The following ERICH3 variants were observed in gnomAD, a reference collection of about 807,000 sequenced individuals.
ERICH3 encodes glutamate rich 3.
A neutral mutation model predicts 131.1 loss-of-function variants in ERICH3; 126 were observed. The observed-to-expected ratio is 0.96, with a 90% confidence interval of 0.83 to 1.11. The LOEUF is 1.11. Among genes scored for constraint, ERICH3 ranks in the 50% most tolerant of loss-of-function variants. The probability of loss-of-function intolerance (pLI) is 0.00; values close to 1 mark genes in which losing one functional copy is unlikely to be tolerated. For missense variants in ERICH3, 2,050 were observed against 1,810.7 expected, an observed-to-expected ratio of 1.13 and a Z score of -2.40; for synonymous variants, 695 against 644.6, an observed-to-expected ratio of 1.08 and a Z score of -1.18.
Position 74,572,691 on chromosome 1 carries a change from G to T in ERICH3, c.3019C>A (p.Gln1007Lys), listed in dbSNP as rs754203621. The T allele has an allele frequency of 6.2e-7, 1 of 1,613,560 alleles. No homozygotes were observed. The highest frequency in any genetic ancestry group is 8.5e-7 in the Non-Finnish European group (1 of 1,179,932). Residue 1007 changes from glutamine (Q) to lysine (K), a missense_variant, in exon 14 of 15, where the codon CAG (glutamine) becomes AAG (lysine). Physicochemically the swap from Gln to Lys is moderately conservative, Grantham distance 53. Transcript: ENST00000326665. ...FTGEAEASRM[Q>K]VSEGSPEEGS... ...TCCTCAGGGCTGCCCTCCGAAACCT[G>T]CATCCGGCTTGCCTCTGCCTCTCCT...
At chr1:74,642,822 T>C (rs1186691904) in intron 4 of ERICH3, among the ~76,000 whole-genome samples, 1 of 152,156 alleles carries the variant, frequency 6.6e-6, no homozygotes, top group African/African-American at 2.4e-5. Flanking sequence ...TCATTAAAAT[T>C]TATTTTGTAC....
intron 8 of ERICH3, among the ~76,000 whole-genome samples, chr1:74,616,042 C>T (rs1157977314): frequency 6.6e-6 from 1 of 152,046 alleles, no homozygotes; most frequent in East Asian, 1.9e-4. Flanking sequence ...TGTTCTGTCG[C>T]CCAGGCTGGA....
At chr1:74,578,882 C>T (rs535260370) in intron 12 of ERICH3, among the ~76,000 whole-genome samples, 24 of 152,178 alleles carry the variant, frequency 1.6e-4, no homozygotes, top group African/African-American at 5.5e-4. Flanking sequence ...TGCCTTAAAT[C>T]GGTTTTGGAG....
At chr1:74,661,930 C>T (rs1412011666) in intron 1 of ERICH3, among the ~76,000 whole-genome samples, 1 of 152,068 alleles carries the variant, frequency 6.6e-6, no homozygotes, top group East Asian at 1.9e-4. Context: ...TGATTTTTTT[C>T]TCTTTGGAAT....
intron 12 of ERICH3, chr1:74,577,171 A>T (rs985977110): frequency 1.7e-5 from 7 of 415,642 alleles, no homozygotes; most frequent in African/African-American, 4.1e-5. Flanking sequence ...TAATAAATTT[A>T]TACCTGATGT....
At chr1:74,620,643 G>GTGAT (rs2100610035) in intron 8 of ERICH3, 91 bp downstream of exon 8, 1 of 1,153,716 alleles carries the variant, frequency 8.7e-7, no homozygotes, top group African/African-American at 1.6e-5. Flanking sequence ...ATTTCATAAA[G>GTGAT]TGATTGAAGT....
At chr1:74,586,870 T>C (rs1424843146) in intron 12 of ERICH3, among the ~76,000 whole-genome samples, 1 of 152,178 alleles carries the variant, frequency 6.6e-6, no homozygotes, top group African/African-American at 2.4e-5. Flanking sequence ...AAATCCTAAG[T>C]TGACAAATAA....
rs3036371 is a variant in ERICH3 at position 74,578,280 on chromosome 1, AATG to A, written c.2177-1347_2177-1345del. 9.7e-3 allele frequency: 1,710 copies of A among 176,398 alleles called. 5 individuals are homozygous for A. Among genetic ancestry groups the A allele is most frequent in the African/African-American group, 0.021 (873 of 41,946 alleles). The allele number at this position is 176,398 out of a possible 1,614,324, so 10.9% of individuals were successfully genotyped here. A position where few individuals can be genotyped will look rare whatever the true frequency, so the allele number is the denominator to read the frequency against. ...TATCTAGGCACTTAATAATAACAGC[AATG>A]ATGATGATGATGATGATGATGATGA... On this transcript the variant is annotated intron_variant, in intron 12 of 14. Coordinates refer to ENST00000326665, the MANE Select transcript of ERICH3 (RefSeq NM_001002912.5).
intron 2 of ERICH3, among the ~76,000 whole-genome samples, chr1:74,647,638 C>T (rs75160673): frequency 0.018 from 2,780 of 152,136 alleles, 78 homozygotes; most frequent in African/African-American, 0.061. Context: ...CCCCTGTAAA[C>T]GAAGAGTGTT....
intron 7 of ERICH3, among the ~76,000 whole-genome samples, chr1:74,630,634 A>G (rs1557691723): frequency 6.6e-6 from 1 of 152,178 alleles, no homozygotes. Flanking sequence ...TAATGAAGAA[A>G]AGATAAAACA....
At chr1:74,671,477 G>T (rs1646742759) in intron 1 of ERICH3, among the ~76,000 whole-genome samples, 1 of 152,210 alleles carries the variant, frequency 6.6e-6, no homozygotes, top group Non-Finnish European at 1.5e-5. Context: ...CTACCAATAT[G>T]TGATGTCACC....
intron 1 of ERICH3, among the ~76,000 whole-genome samples, chr1:74,652,257 CATTT>C (rs66464577): frequency 0.02 from 3,072 of 152,226 alleles, 104 homozygotes; most frequent in African/African-American, 0.07. Flanking sequence ...TCAATTCAAG[CATTT>C]CCACTGCATG....
chr1:74,646,682 T>G lies in ERICH3; in HGVS notation c.228A>C (p.Lys76Asn). ...RECLAQAIFH[K>N]VLDMERYHQL... ...ATATTTTTACCTCCATATCAAGAAC[T>G]TTATGAAAAATTGCCTGGGCTAAGC... The change falls in exon 3 of 15, where the codon AAA (lysine) becomes AAC (asparagine). Residue 76 changes from lysine to asparagine, a missense_variant. Physicochemically the swap from Lys to Asn is moderately conservative, Grantham distance 94. Transcript: ENST00000326665. The G allele has an allele frequency of 1.4e-6, 2 of 1,395,442 alleles. No individual in the cohort carries two copies. Among genetic ancestry groups the G allele is most frequent in the Non-Finnish European group, 1.9e-6 (2 of 1,028,014 alleles). The allele number at this position is 1,395,442 out of a possible 1,614,324, so 86.4% of individuals were successfully genotyped here. A position where few individuals can be genotyped will look rare whatever the true frequency, so the allele number is the denominator to read the frequency against.
chr1:74,571,042 G>A, intron 14 of ERICH3, 57 bp downstream of exon 14: 1 of 1,541,032 alleles, frequency 6.5e-7, no homozygotes, highest in African/African-American at 1.4e-5. Context: ...CCCAAGGGGA[G>A]GAGACCCACC....
chr1:74,659,519 C>G (rs1381934997), intron 1 of ERICH3, among the ~76,000 whole-genome samples: 5 of 152,130 alleles, frequency 3.3e-5, no homozygotes, highest in Non-Finnish European at 5.9e-5. Context: ...ACCCAAAGTG[C>G]TTATGTGCCT....
intron 1 of ERICH3, among the ~76,000 whole-genome samples, chr1:74,651,998 C>A (rs910041037): frequency 1.3e-5 from 2 of 152,134 alleles, no homozygotes; most frequent in African/African-American, 2.4e-5. Flanking sequence ...TGGGTTGAAA[C>A]CTTTTTACAC....
At position 74,589,648 on chromosome 1, in the gene ERICH3, G is replaced by A. The variant is rs560448422; in HGVS notation, c.2159C>T (p.Pro720Leu). 13 of 1,613,784 alleles carry A rather than the reference G, an allele frequency of 8.1e-6. No homozygotes were observed. In the South Asian group the frequency reaches 1.3e-4, roughly 16 times the overall value. Residue 720 changes from proline (P) to leucine (L), a missense_variant, in exon 12 of 15, where the codon CCT becomes CTT. Physicochemically the swap from Pro to Leu is moderately conservative, Grantham distance 98 (BLOSUM62 -3). Transcript: ENST00000326665. ...ATACTTACCACCTTCCTCCAACCCA[G>A]GGAGACCTGCCTTTTTGTCCTTCAC... ...AQVKDKKAGL[P>L]GLEEGGKDSL...
intron 8 of ERICH3, among the ~76,000 whole-genome samples, chr1:74,615,521 A>C (rs780160869): frequency 6.6e-6 from 1 of 152,226 alleles, no homozygotes; most frequent in Admixed American, 6.5e-5. Flanking sequence ...TAGGCACTAA[A>C]GATAAACAAA....
intron 7 of ERICH3, among the ~76,000 whole-genome samples, chr1:74,629,379 T>C (rs77716804): frequency 2.0e-5 from 3 of 152,076 alleles, no homozygotes; most frequent in Non-Finnish European, 4.4e-5. Flanking sequence ...GTTTTTTTTT[T>C]CTTGGAAAAA....
Sources: allele counts gnomAD v4.1 joint callset (sites outside exome capture counted in the v4.1 genomes callset), GRCh38; gene constraint gnomAD v4.1.1; transcripts MANE v1.5; gene names NCBI Gene and HGNC (gene_info 2026-07-23, HGNC 2026-07-21).